Variants in CAB39 observed in about 807,000 individuals in gnomAD.
CAB39 encodes calcium binding protein 39, also known as calcium-binding protein 39.
A neutral mutation model predicts 40.0 loss-of-function variants in CAB39; 8 were observed. That is an observed-to-expected ratio of 0.20 (90% confidence interval 0.12 to 0.36). CAB39 has a LOEUF of 0.36. Ranked by LOEUF, CAB39 falls within the 10% of genes least tolerant of loss-of-function variation. The probability of loss-of-function intolerance (pLI) is 1.00; values close to 1 mark genes in which losing one functional copy is unlikely to be tolerated. For synonymous variants in CAB39, 156 were observed against 141.6 expected, an observed-to-expected ratio of 1.10 and a Z score of -0.72; for missense variants, 270 against 401.1, an observed-to-expected ratio of 0.67 and a Z score of 2.79.
intron 2 of CAB39, among the ~76,000 whole-genome samples, chr2:230,784,354 G>A (rs780155624): frequency 1.3e-5 from 2 of 152,182 alleles, no homozygotes; most frequent in African/African-American, 4.8e-5. Context: ...TTTTGAGAAG[G>A]CTGCCCAGTG....
intron 2 of CAB39, among the ~76,000 whole-genome samples, chr2:230,789,793 T>TC (rs1393943037): frequency 6.6e-6 from 1 of 152,214 alleles, no homozygotes; most frequent in Non-Finnish European, 1.5e-5. Context: ...GTCTGCCTCT[T>TC]CAACTAATGG....
chr2:230,730,195 G>A (rs1268200125), intron 1 of CAB39, among the ~76,000 whole-genome samples: 3 of 152,006 alleles, frequency 2.0e-5, no homozygotes, highest in East Asian at 1.9e-4. Flanking sequence ...CTTCAGCCTC[G>A]ACCTCCTAGG....
At chr2:230,747,329 T>C (rs1300481289) in intron 1 of CAB39, among the ~76,000 whole-genome samples, 24 of 152,234 alleles carry the variant, frequency 1.6e-4, no homozygotes, top group Admixed American at 1.6e-3. Context: ...TTGCTGTAGT[T>C]TCCAAAAATT....
intron 1 of CAB39, among the ~76,000 whole-genome samples, chr2:230,740,298 C>A (rs1373653434): frequency 3.3e-5 from 5 of 152,154 alleles, no homozygotes; most frequent in African/African-American, 1.2e-4. Flanking sequence ...TAAAGGAAAA[C>A]CTGTGTGACT....
intron 5 of CAB39, among the ~76,000 whole-genome samples, chr2:230,808,768 A>G (rs1696250096): frequency 6.6e-6 from 1 of 152,224 alleles, no homozygotes; most frequent in African/African-American, 2.4e-5. Context: ...GAACAACTGT[A>G]AATCTTTGGG....
chr2:230,734,465 A>G (rs941009002), intron 1 of CAB39, among the ~76,000 whole-genome samples: 6 of 152,136 alleles, frequency 3.9e-5, no homozygotes, highest in Non-Finnish European at 7.4e-5. Context: ...AGGTAAGGCC[A>G]TAGTACCACC....
intron 2 of CAB39, among the ~76,000 whole-genome samples, chr2:230,790,122 G>A (rs2124955968): frequency 6.6e-6 from 1 of 152,162 alleles, no homozygotes; most frequent in Middle Eastern, 3.4e-3. Context: ...AGCTACCCAG[G>A]AGGCTAAGGA....
intron 2 of CAB39, among the ~76,000 whole-genome samples, chr2:230,768,446 T>G (rs1443235066): frequency 6.6e-6 from 1 of 152,228 alleles, no homozygotes; most frequent in Non-Finnish European, 1.5e-5. Flanking sequence ...TTTTTCCCTA[T>G]TAGATAAATA....
intron 1 of CAB39, among the ~76,000 whole-genome samples, chr2:230,747,503 TTAAG>T (rs1404660163): frequency 2.6e-5 from 4 of 152,234 alleles, no homozygotes; most frequent in Non-Finnish European, 4.4e-5. Context: ...ATTGGAACAG[TTAAG>T]TAAGAGAACT....
intron 1 of CAB39, among the ~76,000 whole-genome samples, chr2:230,734,559 G>T (rs1694750666): frequency 1.3e-5 from 2 of 152,282 alleles, no homozygotes; most frequent in South Asian, 4.1e-4. Context: ...ATGACCCTAT[G>T]ACCCTTCCGA....
At chr2:230,725,850 A>G (rs1160504708) in intron 1 of CAB39, among the ~76,000 whole-genome samples, 1 of 152,200 alleles carries the variant, frequency 6.6e-6, no homozygotes, top group African/African-American at 2.4e-5. Flanking sequence ...GAAAATTAGG[A>G]AAGTTAAAAG....
At chr2:230,787,961 C>T (rs901221370) in intron 2 of CAB39, among the ~76,000 whole-genome samples, 1 of 152,184 alleles carries the variant, frequency 6.6e-6, no homozygotes, top group African/African-American at 2.4e-5. Flanking sequence ...GAATTCAGCT[C>T]ATCCTGCATT....
chr2:230,813,884 C>T (rs1696347872), intron 6 of CAB39, 165 bp from the exon 7 acceptor site: 1 of 523,984 alleles, frequency 1.9e-6, no homozygotes. Flanking sequence ...CAGAGGAAGA[C>T]ATGAAAGAGA....
chr2:230,772,287 G>A (rs1458402392), intron 2 of CAB39, among the ~76,000 whole-genome samples: 4 of 152,186 alleles, frequency 2.6e-5, no homozygotes, highest in African/African-American at 7.2e-5. Context: ...GAGATAGGCA[G>A]ATGTCAAATA....
chr2:230,790,157 G>A (rs1367295066), intron 2 of CAB39, among the ~76,000 whole-genome samples: 2 of 151,846 alleles, frequency 1.3e-5, no homozygotes, highest in Admixed American at 6.6e-5. Context: ...CAGGAGGATC[G>A]ATTAAGTCCA....
intron 5 of CAB39, among the ~76,000 whole-genome samples, chr2:230,809,710 G>A (rs1209185295): frequency 1.3e-5 from 2 of 152,128 alleles, no homozygotes; most frequent in Non-Finnish European, 2.9e-5. Flanking sequence ...TTAATTCTAC[G>A]TTATCGTACC....
At chr2:230,760,449 C>T (rs1306331038) in intron 2 of CAB39, among the ~76,000 whole-genome samples, 1 of 152,176 alleles carries the variant, frequency 6.6e-6, no homozygotes, top group Non-Finnish European at 1.5e-5. Context: ...AACGCCAAGC[C>T]TCAAGCGATC....
chr2:230,715,776 C>T (rs1244425322), intron 1 of CAB39, among the ~76,000 whole-genome samples: 3 of 152,322 alleles, frequency 2.0e-5, no homozygotes, highest in East Asian at 3.9e-4. Flanking sequence ...GAACATGGCT[C>T]ACTGCAACCT....
chr2:230,722,460 A>G (rs1559587706), intron 1 of CAB39, among the ~76,000 whole-genome samples: 1 of 152,172 alleles, frequency 6.6e-6, no homozygotes, highest in Admixed American at 6.5e-5. Flanking sequence ...CCCAGCTCCA[A>G]ACTGTTTTAT....
Sources: gnomAD v4.1 joint callset for allele counts (sites outside exome capture counted in the v4.1 genomes callset) on GRCh38, gnomAD v4.1.1 for gene constraint, MANE v1.5 for transcripts, NCBI Gene and HGNC (gene_info 2026-07-23, HGNC 2026-07-21) for gene names.